The following OR51B5 variants were observed in gnomAD, a reference collection of about 807,000 sequenced individuals.
The protein encoded by OR51B5 is olfactory receptor 51B5.
For synonymous variants in OR51B5, 186 were observed against 144.8 expected, an observed-to-expected ratio of 1.28 and a Z score of -2.04; for missense variants, 456 against 374.6, an observed-to-expected ratio of 1.22 and a Z score of -1.79.
At chr11:5,403,633 T>C (rs1208371272) in intron 1 of OR51B5, 5 of 398,934 alleles carry the variant, frequency 1.3e-5, no homozygotes, top group African/African-American at 2.1e-5. Flanking sequence ...TGTTATGCGA[T>C]TGATATCACC....
intron 1 of OR51B5, among the ~76,000 whole-genome samples, chr11:5,402,436 G>T (rs940368023): frequency 2.0e-5 from 3 of 152,208 alleles, no homozygotes; most frequent in Non-Finnish European, 2.9e-5. Context: ...GTGGTCATTT[G>T]TCAGTTTTTA....
rs141759858 is a variant in OR51B5 at position 5,355,162 on chromosome 11, G to A, written n.85-8252C>T. 3.5e-3 allele frequency: 596 copies of A among 170,576 alleles called. 3 individuals carry two copies. Among genetic ancestry groups the A allele is most frequent in the African/African-American group, 0.013 (564 of 42,178 alleles). 10.6% of individuals were successfully genotyped at this position (170,576 alleles called of 1,614,324 possible). Reference sequence around the variant, plus strand: ...TCCATCGGGCTCAACAGAGCTTCAGGAGGAAGGATAGGAGCCTCTGTCTAA... The same window carrying A: ...TCCATCGGGCTCAACAGAGCTTCAGAAGGAAGGATAGGAGCCTCTGTCTAA... On this transcript the variant is annotated intron_variant and non_coding_transcript_variant, in intron 1 of 4. Transcript: ENST00000415970.
chr11:5,403,400 TC>T, intron 1 of OR51B5: 1 of 471,374 alleles, frequency 2.1e-6, no homozygotes, highest in Non-Finnish European at 4.4e-6. Context: ...GCCTTGGACA[TC>T]GTGTGTCCCC....
At chr11:5,449,322 G>T (rs1026417754) in intron 1 of OR51B5, 13 of 152,254 alleles carry the variant, frequency 8.5e-5, no homozygotes, top group Non-Finnish European at 1.3e-4. Context: ...AGCAGAGACA[G>T]GGAAGAACTT....
chr11:5,417,488 G>A (rs1226360647), intron 1 of OR51B5, among the ~76,000 whole-genome samples: 50 of 150,994 alleles, frequency 3.3e-4, no homozygotes, highest in African/African-American at 1.2e-3. Flanking sequence ...GAGTGAACAG[G>A]CAACCCACAA....
intron 1 of OR51B5, among the ~76,000 whole-genome samples, chr11:5,476,538 C>T (rs1851309027): frequency 6.6e-6 from 1 of 152,176 alleles, no homozygotes; most frequent in Admixed American, 6.5e-5. Context: ...TCCTTTGTGA[C>T]TTGGTATCTC....
At chr11:5,410,084 C>T (rs1397916784) in intron 1 of OR51B5, among the ~76,000 whole-genome samples, 1 of 152,048 alleles carries the variant, frequency 6.6e-6, no homozygotes, top group Admixed American at 6.6e-5. Flanking sequence ...TAAGCAAATA[C>T]TGAGAGTATT....
At chr11:5,402,252 C>T (rs7481609) in intron 1 of OR51B5, among the ~76,000 whole-genome samples, 4,047 of 152,138 alleles carry the variant, frequency 0.027, 179 homozygotes, top group African/African-American at 0.091. Flanking sequence ...TGGGCTCAAG[C>T]GATCTGCCTA....
chr11:5,485,381 A>G (rs1277227008), intron 1 of OR51B5, among the ~76,000 whole-genome samples: 1 of 152,178 alleles, frequency 6.6e-6, no homozygotes, highest in African/African-American at 2.4e-5. Flanking sequence ...TTCCCACAAA[A>G]AATGTGTTAA....
rs752203618 is a variant in OR51B5, at chr11:5,343,032, GA to G, written c.492del (p.Leu165CysfsTer37). On this transcript the variant is annotated frameshift_variant, in exon 1 of 1. Coordinates refer to ENST00000300773, the Ensembl canonical transcript of OR51B5. LOFTEE classifies it low-confidence loss of function (END_TRUNC). ...GAAAGAACATGGGAGTGACAATACA[GA>G]AAAAAATAGAGGGGCCTGATTGGGG... 1.2e-6 allele frequency: 2 copies of G among 1,613,316 alleles called. No individual in the cohort carries two copies. The highest frequency in any genetic ancestry group is 1.1e-5 in the South Asian group (1 of 91,024).
At chr11:5,357,561 G>A (rs1849214622) in intron 1 of OR51B5, among the ~76,000 whole-genome samples, 1 of 151,794 alleles carries the variant, frequency 6.6e-6, no homozygotes, top group African/African-American at 2.4e-5. Flanking sequence ...ACATTAGACA[G>A]ATCAACATTA....
chr11:5,423,207 G>C (rs1004037829), intron 1 of OR51B5: 1 of 1,467,512 alleles, frequency 6.8e-7, no homozygotes, highest in African/African-American at 1.4e-5. Context: ...CTTAAGGGGG[G>C]AATATATTCA....
chr11:5,357,900 A>C (rs568060399), intron 1 of OR51B5, among the ~76,000 whole-genome samples: 6 of 152,264 alleles, frequency 3.9e-5, no homozygotes, highest in African/African-American at 1.4e-4. Flanking sequence ...TACTGGGTTC[A>C]TAACAAAATG....
At chr11:5,485,668 A>G (rs770152917) in intron 1 of OR51B5, among the ~76,000 whole-genome samples, 3 of 152,130 alleles carry the variant, frequency 2.0e-5, no homozygotes, top group Non-Finnish European at 4.4e-5. Context: ...AGGCAGGCCT[A>G]TGTCTCAAAG....
downstream of OR51B5, among the ~76,000 whole-genome samples, chr11:5,342,217 C>T (rs1848906439): frequency 1.3e-5 from 2 of 152,174 alleles, no homozygotes; most frequent in Non-Finnish European, 2.9e-5. Flanking sequence ...TATTCCATTT[C>T]ACTCGAACCA....
intron 1 of OR51B5, among the ~76,000 whole-genome samples, chr11:5,408,529 A>C (rs1335562981): frequency 6.6e-6 from 1 of 152,168 alleles, no homozygotes; most frequent in Non-Finnish European, 1.5e-5. Context: ...GAAGTCATTC[A>C]TGACATCCAA....
At chr11:5,477,697 T>C (rs1339774429) in intron 1 of OR51B5, among the ~76,000 whole-genome samples, 3 of 152,094 alleles carry the variant, frequency 2.0e-5, no homozygotes, top group Admixed American at 6.5e-5. Flanking sequence ...TTGCCTCACT[T>C]GGGAAGCACA....
chr11:5,417,259 C>T (rs1850257816), intron 1 of OR51B5, among the ~76,000 whole-genome samples: 1 of 148,042 alleles, frequency 6.8e-6, no homozygotes, highest in Non-Finnish European at 1.5e-5. Context: ...TTCCTTACAC[C>T]TTATACAAAA....
intron 1 of OR51B5, chr11:5,390,261 T>C (rs1849774939): frequency 1.2e-6 from 2 of 1,613,936 alleles, no homozygotes; most frequent in Admixed American, 3.3e-5. Context: ...CATCTTCTTA[T>C]GGCCAATGTC....
Sources: gnomAD v4.1 joint callset for allele counts (sites outside exome capture counted in the v4.1 genomes callset) on GRCh38, gnomAD v4.1.1 for gene constraint, MANE v1.5 for transcripts, NCBI Gene and HGNC (gene_info 2026-07-23, HGNC 2026-07-21) for gene names.